CNTNAP2: variants seen among roughly 807,000 people sequenced by gnomAD.
CNTNAP2 encodes the protein contactin-associated protein-like 2.
Under a neutral mutation model 155.2 loss-of-function variants are expected in CNTNAP2, and 98 were observed. The ratio of observed to expected loss-of-function variants is 0.63; its 90% CI spans 0.54 to 0.75. CNTNAP2 has a LOEUF of 0.75. Ranked by LOEUF, CNTNAP2 falls within the 30% of genes least tolerant of loss-of-function variation. CNTNAP2 has a pLI of 0.00. For missense variants in CNTNAP2, 1,727 were observed against 1,688.1 expected, an observed-to-expected ratio of 1.02 and a Z score of -0.40; for synonymous variants, 651 against 631.2, an observed-to-expected ratio of 1.03 and a Z score of -0.47.
At chr7:148,064,486 T>C (rs1803216377) in intron 15 of CNTNAP2, among the ~76,000 whole-genome samples, 1 of 151,956 alleles carries the variant, frequency 6.6e-6, no homozygotes, top group African/African-American at 2.4e-5. Context: ...CTGTTGCCGT[T>C]CACTAAGGAT....
chr7:147,603,202 A>G (rs1410279916), intron 12 of CNTNAP2, among the ~76,000 whole-genome samples: 1 of 151,778 alleles, frequency 6.6e-6, no homozygotes, highest in Non-Finnish European at 1.5e-5. Flanking sequence ...ATGGTATCTC[A>G]CTGTGGTTTT....
intron 1 of CNTNAP2, among the ~76,000 whole-genome samples, chr7:146,160,435 T>TAGACTGCTAGCA (rs1335155027): frequency 1.3e-5 from 2 of 152,078 alleles, no homozygotes; most frequent in Non-Finnish European, 2.9e-5. Flanking sequence ...ACAAAATTGA[T>TAGACTGCTAGCA]AGACTGCTAG....
At chr7:147,832,201 A>G (rs916689705) in intron 13 of CNTNAP2, among the ~76,000 whole-genome samples, 1 of 141,550 alleles carries the variant, frequency 7.1e-6, no homozygotes, top group Non-Finnish European at 1.5e-5. Flanking sequence ...TTAATTATAT[A>G]AACATTTAAT....
At chr7:146,849,154 T>C (rs57022064) in intron 3 of CNTNAP2, among the ~76,000 whole-genome samples, 1,529 of 152,314 alleles carry the variant, frequency 0.01, 21 homozygotes, top group African/African-American at 0.035. Context: ...ATTTATATAA[T>C]GTAAATATCT....
At chr7:148,372,739 A>T (rs1798911359) in intron 21 of CNTNAP2, among the ~76,000 whole-genome samples, 2 of 152,212 alleles carry the variant, frequency 1.3e-5, no homozygotes. Context: ...AAAATAAATT[A>T]ACCTTAGCAT....
intron 2 of CNTNAP2, among the ~76,000 whole-genome samples, chr7:146,812,948 C>A (rs1369190147): frequency 2.0e-5 from 3 of 152,120 alleles, no homozygotes; most frequent in African/African-American, 7.2e-5. Context: ...TCAGACAGTG[C>A]AAATCCCAAT....
intron 4 of CNTNAP2, among the ~76,000 whole-genome samples, chr7:147,061,952 C>A (rs1251246462): frequency 6.6e-6 from 1 of 151,574 alleles, no homozygotes; most frequent in Admixed American, 6.6e-5. Flanking sequence ...CACGGTGAAA[C>A]CCCATCTCTA....
At chr7:146,808,161 T>C (rs1417680440) in intron 2 of CNTNAP2, among the ~76,000 whole-genome samples, 1 of 152,200 alleles carries the variant, frequency 6.6e-6, no homozygotes, top group Non-Finnish European at 1.5e-5. Context: ...ATATAATTTA[T>C]TCATTGAAGC....
At chr7:148,245,425 T>A (rs1210411689) in intron 20 of CNTNAP2, among the ~76,000 whole-genome samples, 1 of 152,186 alleles carries the variant, frequency 6.6e-6, no homozygotes, top group Non-Finnish European at 1.5e-5. Context: ...TGTTAGATGC[T>A]GATGTGGAGG....
chr7:146,475,100 T>C (rs1796859063), intron 1 of CNTNAP2, among the ~76,000 whole-genome samples: 1 of 152,182 alleles, frequency 6.6e-6, no homozygotes, highest in Admixed American at 6.5e-5. Context: ...ACATATATAA[T>C]TTATTTTTCT....
Position 148,123,792 on chromosome 7 carries a change from A to G in CNTNAP2, c.2554+5504A>G, listed in dbSNP as rs531875879. ...TAGAAGGAAGAAAACTAGTTTGCAG[A>G]AAACTAACAGAGAAGTAGGAAGACA... is the stretch of plus-strand genomic sequence containing the variant. On this transcript the variant is annotated intron_variant, in intron 16 of 23. Coordinates refer to ENST00000361727, the MANE Select transcript of CNTNAP2 (RefSeq NM_014141.6). 4.0e-4 allele frequency among the ~76,000 whole-genome samples: 61 copies of G among 152,340 alleles called. 1 individual carries two copies. Among genetic ancestry groups the G allele is most frequent in the African/African-American group, 1.4e-3 (60 of 41,584 alleles).
intron 12 of CNTNAP2, among the ~76,000 whole-genome samples, chr7:147,591,568 C>T (rs1430642333): frequency 6.6e-6 from 1 of 152,174 alleles, no homozygotes; most frequent in Non-Finnish European, 1.5e-5. Flanking sequence ...CTTTCCTCTG[C>T]TTTTATTGCT....
At chr7:146,918,382 AG>A (rs1796435942) in intron 3 of CNTNAP2, among the ~76,000 whole-genome samples, 1 of 152,038 alleles carries the variant, frequency 6.6e-6, no homozygotes, top group South Asian at 2.1e-4. Flanking sequence ...GCTTGGTAGT[AG>A]TGAATTCTTT....
chr7:147,655,551 C>G (rs73472812), intron 13 of CNTNAP2, among the ~76,000 whole-genome samples: 16,180 of 152,238 alleles, frequency 0.11, 1,124 homozygotes, highest in African/African-American at 0.19. Flanking sequence ...CTTGCCTAAC[C>G]AGGTGCATTG....
chr7:146,754,923 G>A (rs969099461), intron 1 of CNTNAP2, among the ~76,000 whole-genome samples: 7 of 151,770 alleles, frequency 4.6e-5, no homozygotes, highest in African/African-American at 1.2e-4. Flanking sequence ...AAGAAAATAC[G>A]GCTGCTCACA....
intron 1 of CNTNAP2, among the ~76,000 whole-genome samples, chr7:146,373,615 C>T (rs748949789): frequency 4.6e-5 from 7 of 151,610 alleles, no homozygotes; most frequent in South Asian, 4.2e-4. Context: ...AAACTCAAAG[C>T]GTCCAAAATC....
At chr7:147,784,529 A>ATG (rs1797708209) in intron 13 of CNTNAP2, among the ~76,000 whole-genome samples, 1 of 65,338 alleles carries the variant, frequency 1.5e-5, no homozygotes, top group Non-Finnish European at 2.5e-5. Flanking sequence ...ATATATATAT[A>ATG]TATATATATA....
intron 21 of CNTNAP2, among the ~76,000 whole-genome samples, chr7:148,365,558 AG>A (rs1375266694): frequency 6.6e-6 from 1 of 152,030 alleles, no homozygotes; most frequent in Non-Finnish European, 1.5e-5. Context: ...CCAGCTACTT[AG>A]GAGGCTGCAA....
intron 22 of CNTNAP2, 37 bp downstream of exon 22, chr7:148,383,925 T>G: frequency 6.3e-7 from 1 of 1,596,626 alleles, no homozygotes. Context: ...GTTGCTTCAT[T>G]TCTTTAAACC....
Sources: gnomAD v4.1 joint callset for allele counts (sites outside exome capture counted in the v4.1 genomes callset) on GRCh38, gnomAD v4.1.1 for gene constraint, MANE v1.5 for transcripts, NCBI Gene and HGNC (gene_info 2026-07-23, HGNC 2026-07-21) for gene names.